Variants in THADA observed in about 807,000 individuals in gnomAD.
THADA encodes the protein tRNA (32-2'-O)-methyltransferase regulator THADA.
In THADA, 213 loss-of-function variants were observed where a neutral mutation model predicts 219.8. That is an observed-to-expected ratio of 0.97 (90% CI 0.87 to 1.09). THADA has a LOEUF of 1.09. Among genes scored for constraint, THADA ranks in the 50% least tolerant of loss-of-function variants. The probability of loss-of-function intolerance (pLI) is 0.00; values close to 1 mark genes in which losing one functional copy is unlikely to be tolerated. For missense variants in THADA, 2,956 were observed against 2,311.3 expected (o/e 1.28, Z -5.72); for synonymous variants, 1,018 against 828.9 (o/e 1.23, Z -3.92).
At chr2:43,490,583 CT>C (rs543743972) in intron 25 of THADA, among the ~76,000 whole-genome samples, 43 of 152,092 alleles carry the variant, frequency 2.8e-4, no homozygotes, top group African/African-American at 1.0e-3. Flanking sequence ...GGGTTTTGTT[CT>C]TTAGTCTATT....
rs911671457 is a variant in THADA, at chr2:43,434,859, A to C, written c.3837-4557T>G. 1.3e-5 allele frequency among the ~76,000 whole-genome samples: 2 copies of C among 152,212 alleles called. 1 individual carries two copies. The highest frequency in any genetic ancestry group is 4.8e-5 in the African/African-American group (2 of 41,444). On this transcript the variant is annotated intron_variant, in intron 26 of 37. Coordinates refer to ENST00000405975, the MANE Select transcript of THADA (RefSeq NM_022065.5). ...GCAAGGGGGTCTAATTGAGCTGACT[A>C]ACACAAGCTGCCTATGGACAGCTAA...
chr2:43,582,450 T>C (rs1262839080), intron 7 of THADA, among the ~76,000 whole-genome samples: 6 of 147,020 alleles, frequency 4.1e-5, no homozygotes, highest in African/African-American at 1.5e-4. Flanking sequence ...TGAGCCGAGA[T>C]GGCACTACTG....
chr2:43,279,202 G>A (rs1314543936), intron 36 of THADA, among the ~76,000 whole-genome samples: 4 of 152,218 alleles, frequency 2.6e-5, no homozygotes, highest in African/African-American at 7.2e-5. Flanking sequence ...CGACGGCTGC[G>A]ACCTCAGGAC....
chr2:43,456,565 T>G (rs141431037), intron 26 of THADA, among the ~76,000 whole-genome samples: 1 of 152,140 alleles, frequency 6.6e-6, no homozygotes, highest in Admixed American at 6.6e-5. Flanking sequence ...CTTTTCTTTT[T>G]TTTTTTAAGC....
chr2:43,338,409 G>C (rs1266477275), intron 30 of THADA, among the ~76,000 whole-genome samples: 1 of 151,862 alleles, frequency 6.6e-6, no homozygotes, highest in African/African-American at 2.4e-5. Context: ...TGCCCACCTC[G>C]GCCTCCCAAA....
chr2:43,425,487 T>TGTGTGA (rs1311743033), intron 28 of THADA, among the ~76,000 whole-genome samples: 39 of 146,766 alleles, frequency 2.7e-4, no homozygotes, highest in Non-Finnish European at 4.2e-4. Context: ...TGTGTGTGTG[T>TGTGTGA]GATGGTATTA....
At chr2:43,542,862 T>G (rs1214272103) in intron 20 of THADA, among the ~76,000 whole-genome samples, 2 of 152,160 alleles carry the variant, frequency 1.3e-5, no homozygotes, top group African/African-American at 4.8e-5. Flanking sequence ...TTCTTTAATT[T>G]AATTTAATTT....
intron 29 of THADA, among the ~76,000 whole-genome samples, chr2:43,386,318 TTA>T (rs1393768546): frequency 1.3e-5 from 2 of 152,082 alleles, no homozygotes. Flanking sequence ...AAGATTTAAC[TTA>T]TGTTTTTTTT....
intron 22 of THADA, among the ~76,000 whole-genome samples, chr2:43,513,573 G>A (rs1690776854): frequency 6.6e-6 from 1 of 152,120 alleles, no homozygotes; most frequent in Non-Finnish European, 1.5e-5. Context: ...CTCTGAATCA[G>A]GCTGACTACT....
chr2:43,515,284 TATATATAATATATAATATGTA>T (rs1691496687), intron 22 of THADA, among the ~76,000 whole-genome samples: 1 of 5,754 alleles, frequency 1.7e-4, no homozygotes, highest in Non-Finnish European at 4.1e-4. Context: ...TATAATATAT[TATATATAATATATAATATGTA>T]ATATATAATA....
chr2:43,541,603 G>C (rs902431949), intron 20 of THADA, among the ~76,000 whole-genome samples: 1 of 151,848 alleles, frequency 6.6e-6, no homozygotes, highest in Non-Finnish European at 1.5e-5. Context: ...TGACCTCCCA[G>C]GCTCATGCAA....
intron 22 of THADA, among the ~76,000 whole-genome samples, chr2:43,509,872 A>G (rs925722937): frequency 6.6e-6 from 1 of 152,204 alleles, no homozygotes; most frequent in Non-Finnish European, 1.5e-5. Flanking sequence ...CTGTGATTCT[A>G]AAGATTTCCT....
chr2:43,570,101 C>A (rs1699125035), intron 14 of THADA, among the ~76,000 whole-genome samples: 1 of 152,116 alleles, frequency 6.6e-6, no homozygotes, highest in Admixed American at 6.6e-5. Context: ...TGTCAATTAC[C>A]CTTCTGTTAA....
Position 43,541,323 on chromosome 2 carries a change from C to G in THADA, c.3107-7G>C. On this transcript the variant is annotated splice_polypyrimidine_tract_variant and splice_region_variant and intron_variant, in intron 20 of 37. Transcript: ENST00000405975. ...CATGTTTTTACTTCTTTACCTTAAACAAAAAAAAACACAACGATTGCAACC... is the reference window on the plus strand; with the variant it reads ...CATGTTTTTACTTCTTTACCTTAAAGAAAAAAAAACACAACGATTGCAACC... 6.3e-7 allele frequency: 1 copy of G among 1,588,960 alleles called. No individual in the cohort carries two copies. The highest frequency in any genetic ancestry group is 8.6e-7 in the Non-Finnish European group (1 of 1,165,220).
chr2:43,468,518 G>C (rs1684534704), intron 26 of THADA, among the ~76,000 whole-genome samples: 1 of 152,138 alleles, frequency 6.6e-6, no homozygotes, highest in South Asian at 2.1e-4. Flanking sequence ...TTTAGTAAAA[G>C]ACTGAAAATG....
At chr2:43,517,647 A>C (rs1344160776) in intron 22 of THADA, among the ~76,000 whole-genome samples, 1 of 152,132 alleles carries the variant, frequency 6.6e-6, no homozygotes, top group East Asian at 1.9e-4. Context: ...TTTTTCATCC[A>C]GTCCCCTCCC....
At chr2:43,561,297 C>G (rs999287992) in intron 15 of THADA, among the ~76,000 whole-genome samples, 1 of 152,176 alleles carries the variant, frequency 6.6e-6, no homozygotes, top group East Asian at 1.9e-4. Flanking sequence ...CTATCAAACT[C>G]TTATTCAAGT....
rs749601221 is a variant in THADA, at chr2:43,505,642, T to G, written c.3601A>C (p.Ile1201Leu). 1.3e-5 allele frequency: 20 copies of G among 1,594,758 alleles called. No homozygotes were observed. The highest frequency in any genetic ancestry group is 1.6e-5 in the Non-Finnish European group (19 of 1,168,930). The change falls in exon 24 of 38, where the codon ATA becomes CTA. Residue 1201 changes from isoleucine to leucine, a missense_variant. Physicochemically the swap from Ile to Leu is conservative, Grantham distance 5. Transcript: ENST00000405975. The part of the protein sequence containing the change: ...LISLAGPTDD[I>L]QSTVPQVHAL... Reference sequence around the variant, plus strand: ...ATTACCTGGGGGACTGTACTCTGTATGTCATCTGTAGGCCCAGCCAAAGAG... The same window carrying G: ...ATTACCTGGGGGACTGTACTCTGTAGGTCATCTGTAGGCCCAGCCAAAGAG...
Position 43,348,972 on chromosome 2 carries a change from G to A in THADA, c.4228-4735C>T, listed in dbSNP as rs893609282. Among the ~76,000 whole-genome samples the A allele has an allele frequency of 2.0e-5, 3 of 152,292 alleles. 1 individual carries two copies. The highest frequency in any genetic ancestry group is 4.1e-4 in the South Asian group (2 of 4,830). ...AGAAGGGTTAGAGGTGGACATAGGG[G>A]TCATCAGCACAAGAAACAGGAGAAA... is the stretch of plus-strand genomic sequence containing the variant. On this transcript the variant is annotated intron_variant, in intron 29 of 37. Coordinates refer to ENST00000405975, the MANE Select transcript of THADA (RefSeq NM_022065.5).
Sources: gnomAD v4.1 joint callset for allele counts (sites outside exome capture counted in the v4.1 genomes callset) on GRCh38, gnomAD v4.1.1 for gene constraint, MANE v1.5 for transcripts, NCBI Gene and HGNC (gene_info 2026-07-23, HGNC 2026-07-21) for gene names.